The following RANBP3L variants were observed in gnomAD, a reference collection of about 807,000 sequenced individuals.
The protein encoded by RANBP3L is ran-binding protein 3-like.
A neutral mutation model predicts 67.2 loss-of-function variants in RANBP3L; 56 were observed. The observed-to-expected ratio is 0.83, with a 90% CI of 0.67 to 1.04. RANBP3L has a LOEUF of 1.04. RANBP3L is among the 50% of genes least tolerant of loss of function. RANBP3L has a pLI of 0.00. For missense variants in RANBP3L, 496 were observed against 535.5 expected (o/e 0.93, Z 0.73); for synonymous variants, 164 against 181.4 (o/e 0.90, Z 0.77).
At position 36,288,427 on chromosome 5, in the gene RANBP3L, A is replaced by G. The variant is rs566405221; in HGVS notation, c.91+12899T>C. Among the ~76,000 whole-genome samples the G allele has an allele frequency of 1.8e-3, 267 of 152,330 alleles. 8 individuals are homozygous for G. The South Asian group carries it at 0.055, about 31-fold the overall frequency. On this transcript the variant is annotated intron_variant, in intron 1 of 13. Transcript: ENST00000296604. ...TTCACATGTTGGGGCTCATATGAAT[A>G]AAATCTGCTACGAGCATTCTTGTGC...
At chr5:36,270,658 C>A (rs986621351) in intron 2 of RANBP3L, among the ~76,000 whole-genome samples, 3 of 152,104 alleles carry the variant, frequency 2.0e-5, no homozygotes, top group Non-Finnish European at 2.9e-5. Context: ...CCATGCCTGA[C>A]TAATTTCTTT....
intron 1 of RANBP3L, among the ~76,000 whole-genome samples, chr5:36,298,818 G>A (rs574511430): frequency 3.3e-5 from 5 of 152,326 alleles, no homozygotes; most frequent in Admixed American, 1.3e-4. Context: ...AGCTAAGTCT[G>A]AGAAAGAAGA....
In RANBP3L at chr5:36,249,521, A is replaced by T. The variant is rs1748452741; in HGVS notation, c.*133T>A. The T allele has an allele frequency of 2.1e-6, 1 of 468,912 alleles. No homozygotes were observed. Among genetic ancestry groups the T allele is most frequent in the African/African-American group, 2.0e-5 (1 of 49,948 alleles). The allele number at this position is 468,912 out of a possible 1,614,324, so 29.0% of individuals were successfully genotyped here. A position where few individuals can be genotyped will look rare whatever the true frequency, so the allele number is the denominator to read the frequency against. On this transcript the variant is annotated 3_prime_UTR_variant, in exon 14 of 14. Transcript: ENST00000296604. ...AACATAAAAATGTTAATTGCAACAA[A>T]TTACATTTCTTAAACTTTTCTATAA...
At chr5:36,280,175 T>C (rs1750873288) in intron 1 of RANBP3L, among the ~76,000 whole-genome samples, 1 of 152,174 alleles carries the variant, frequency 6.6e-6, no homozygotes, top group Non-Finnish European at 1.5e-5. Context: ...TGAACAATTT[T>C]GAAAAACCAA....
chr5:36,283,717 A>G (rs1751138587), intron 1 of RANBP3L, among the ~76,000 whole-genome samples: 1 of 152,150 alleles, frequency 6.6e-6, no homozygotes, highest in South Asian at 2.1e-4. Context: ...TTTTATTAGA[A>G]CAATTCCTTA....
At chr5:36,297,772 A>C (rs1752330186) in intron 1 of RANBP3L, among the ~76,000 whole-genome samples, 1 of 152,222 alleles carries the variant, frequency 6.6e-6, no homozygotes, top group African/African-American at 2.4e-5. Context: ...CTGGACTGAT[A>C]GAGCATTTGT....
At chr5:36,289,787 G>T in intron 1 of RANBP3L, among the ~76,000 whole-genome samples, 1 of 151,222 alleles carries the variant, frequency 6.6e-6, no homozygotes. Flanking sequence ...AGATTTCTCA[G>T]GATTTTTCTA....
At chr5:36,291,326 T>A (rs139625596) in intron 1 of RANBP3L, among the ~76,000 whole-genome samples, 3 of 152,032 alleles carry the variant, frequency 2.0e-5, no homozygotes, top group Non-Finnish European at 4.4e-5. Flanking sequence ...CTTATTTCAT[T>A]TAACTTTTTT....
rs368964724 is a variant in RANBP3L at position 36,299,335 on chromosome 5, A to ATGTGTGTG, written c.91+1983_91+1990dup. Among the ~76,000 whole-genome samples, 436 of 145,356 alleles carry ATGTGTGTG rather than the reference A, an allele frequency of 3.0e-3. 2 individuals carry two copies. Among genetic ancestry groups the ATGTGTGTG allele is most frequent in the African/African-American group, 0.01 (393 of 38,876 alleles). The stretch of plus-strand genomic sequence containing the variant: ...TCTGTATATATATACACATACATAT[A>ATGTGTGTG]TGTGTGTGTGTGTGTGTGTGTGTGT... On this transcript the variant is annotated intron_variant, in intron 1 of 13. Transcript: ENST00000296604.
intron 1 of RANBP3L, among the ~76,000 whole-genome samples, chr5:36,293,350 G>A (rs1751945564): frequency 1.4e-5 from 1 of 70,796 alleles, no homozygotes; most frequent in Admixed American, 1.5e-4. Flanking sequence ...TCTGCAAACA[G>A]GGACAATTTG....
chr5:36,272,398 A>G (rs1750283076), intron 1 of RANBP3L, among the ~76,000 whole-genome samples: 1 of 152,226 alleles, frequency 6.6e-6, no homozygotes, highest in Admixed American at 6.5e-5. Flanking sequence ...ACACTGAGGT[A>G]ATTTGCCATC....
At chr5:36,294,810 G>A (rs1307642655) in intron 1 of RANBP3L, among the ~76,000 whole-genome samples, 1 of 144,870 alleles carries the variant, frequency 6.9e-6, no homozygotes, top group Non-Finnish European at 1.5e-5. Flanking sequence ...GTGTATATAT[G>A]TATGTATGTT....
chr5:36,298,031 T>C lies in RANBP3L; in HGVS notation c.91+3295A>G, dbSNP rs116071077. Among the ~76,000 whole-genome samples the C allele has an allele frequency of 9.3e-3, 1,409 of 152,174 alleles. 23 individuals carry two copies. Among genetic ancestry groups the C allele is most frequent in the African/African-American group, 0.032 (1,314 of 41,514 alleles). On this transcript the variant is annotated intron_variant, in intron 1 of 13. Transcript: ENST00000296604. The stretch of plus-strand genomic sequence containing the variant: ...TATATATGTGTTGAGGTCAGTGCGG[T>C]GGCTTATGCTTGTAATCCCAGCACT...
chr5:36,252,626 A>G (rs1748675384), intron 12 of RANBP3L, among the ~76,000 whole-genome samples: 1 of 152,112 alleles, frequency 6.6e-6, no homozygotes, highest in South Asian at 2.1e-4. Flanking sequence ...GTATACTAAA[A>G]TATAAGACCA....
Position 36,249,673 on chromosome 5 carries a change from T to A in RANBP3L, c.1379A>T (p.Gln460Leu). The change falls in exon 14 of 14, where the codon CAG (glutamine) becomes CTG (leucine). Residue 460 changes from glutamine (Q) to leucine (L), a missense_variant. Gln to Leu is a moderately radical substitution (Grantham distance 113). Coordinates refer to ENST00000296604, the MANE Select transcript of RANBP3L (RefSeq NM_145000.5). Reference protein sequence around the residue: ...GSDPSSWTHRQSVACS With the variant: ...GSDPSSWTHRLSVACS Reference sequence around the variant, plus strand: ...TAGTATTCATGAACAGGCAACCGACTGTCTGTGAGTCCAACTAGAAGGATC... The same window carrying A: ...TAGTATTCATGAACAGGCAACCGACAGTCTGTGAGTCCAACTAGAAGGATC... 2.6e-6 allele frequency: 4 copies of A among 1,559,338 alleles called. No individual in the cohort carries two copies. Among genetic ancestry groups the A allele is most frequent in the Non-Finnish European group, 3.5e-6 (4 of 1,141,150 alleles).
intron 4 of RANBP3L, among the ~76,000 whole-genome samples, chr5:36,266,372 T>C (rs1749789115): frequency 1.3e-5 from 2 of 152,308 alleles, no homozygotes; most frequent in South Asian, 4.1e-4. Context: ...CTCCTCTTCA[T>C]TGCAAATTGC....
chr5:36,251,582 A>G (rs1748599613), intron 12 of RANBP3L, 83 bp from the exon 13 acceptor site: 1 of 1,094,456 alleles, frequency 9.1e-7, no homozygotes, highest in Non-Finnish European at 1.3e-6. Context: ...CACTACTAAT[A>G]AGGAAGGAAT....
intron 1 of RANBP3L, among the ~76,000 whole-genome samples, chr5:36,274,499 A>C (rs1750438229): frequency 6.6e-6 from 1 of 152,014 alleles, no homozygotes; most frequent in Admixed American, 6.6e-5. Context: ...AAGCAAGAGG[A>C]AAGTCTCTGA....
chr5:36,251,615 T>C, intron 12 of RANBP3L, 116 bp from the exon 13 acceptor site: 1 of 689,336 alleles, frequency 1.5e-6, no homozygotes, highest in East Asian at 3.1e-5. Context: ...ATCTACAGTG[T>C]ACATAGGTGC....
Sources: gnomAD v4.1 joint callset for allele counts (sites outside exome capture counted in the v4.1 genomes callset) on GRCh38, gnomAD v4.1.1 for gene constraint, MANE v1.5 for transcripts, NCBI Gene and HGNC (gene_info 2026-07-23, HGNC 2026-07-21) for gene names.